The following RTF1 variants were observed in gnomAD, a reference collection of about 807,000 sequenced individuals.
RTF1 encodes RNA polymerase-associated protein RTF1 homolog.
RTF1 carries 10 observed loss-of-function variants against 95.7 expected under a neutral mutation model. The ratio of observed to expected loss-of-function variants is 0.10; its 90% CI spans 0.06 to 0.18. The LOEUF (loss-of-function observed/expected upper bound fraction) is 0.18. RTF1 is among the 10% of genes least tolerant of loss of function. The pLI, the probability that RTF1 is intolerant of heterozygous loss-of-function variation, is 1.00. For missense variants in RTF1, 458 were observed against 875.6 expected (o/e 0.52, Z 6.02); for synonymous variants, 305 against 311.8 (o/e 0.98, Z 0.23).
Position 41,453,036 on chromosome 15 carries a change from G to A in RTF1, c.445G>A (p.Ala149Thr). The A allele has an allele frequency of 1.3e-6, 2 of 1,595,204 alleles. No individual in the cohort carries two copies. The highest frequency in any genetic ancestry group is 1.2e-5 in the South Asian group (1 of 86,916). ...SDKDSSAESS[A>T]PEEGEVSDSD... ...CAAAGACAGTTCAGCTGAGAGCTCA[G>A]CCCCTGAGGAAGGTGAGCTGAGCAG... Residue 149 changes from alanine to threonine, a missense_variant, in exon 3 of 18, where the codon GCC (alanine) becomes ACC (threonine). Ala to Thr is a moderately conservative substitution (Grantham distance 58, BLOSUM62 0). Around this residue, in one of 11 missense-constraint regions of RTF1, gnomAD observed 39 missense variants for 38.4 expected, o/e 1.02. Coordinates refer to ENST00000389629, the MANE Select transcript of RTF1 (RefSeq NM_015138.5).
chr15:41,442,873 G>GA (rs2050742728), intron 2 of RTF1, among the ~76,000 whole-genome samples: 1 of 152,148 alleles, frequency 6.6e-6, no homozygotes, highest in Non-Finnish European at 1.5e-5. Flanking sequence ...GCCCCAGAGT[G>GA]AGACTGCATC....
chr15:41,475,845 C>G (rs200585486), intron 11 of RTF1, 26 bp downstream of exon 11: 1 of 1,208,500 alleles, frequency 8.3e-7, no homozygotes, highest in Non-Finnish European at 1.2e-6. Context: ...CCCCAGAACC[C>G]GGAGGTTCAT....
At position 41,474,595 on chromosome 15, in the gene RTF1, CT is replaced by C. The variant is rs577560772; in HGVS notation, c.1204-24del. ...AAGCTCCGGAAGAGTCTGGTTTTGACTGGCGTCTCTGTCCTCTCACTTAGGT... is the reference window on the plus strand; with the variant it reads ...AAGCTCCGGAAGAGTCTGGTTTTGACGGCGTCTCTGTCCTCTCACTTAGGT... On this transcript the variant is annotated intron_variant, in intron 8 of 17. Transcript: ENST00000389629. The C allele has an allele frequency of 1.7e-3, 2,734 of 1,565,840 alleles. 4 individuals are homozygous for C. Among genetic ancestry groups the C allele is most frequent in the Non-Finnish European group, 2.3e-3 (2,621 of 1,135,812 alleles).
At chr15:41,479,059 G>GT in intron 15 of RTF1, 44 bp from the exon 16 acceptor site, 1 of 1,380,266 alleles carries the variant, frequency 7.2e-7, no homozygotes, top group Non-Finnish European at 1.0e-6. Context: ...GTAGGACTCT[G>GT]TGAGTGTCAA....
intron 7 of RTF1, 107 bp from the exon 8 acceptor site, chr15:41,471,065 G>T: frequency 9.7e-7 from 1 of 1,028,998 alleles, no homozygotes. Flanking sequence ...CTCCTCCTAG[G>T]CCAGTCACAT....
At position 41,480,642 on chromosome 15, in the gene RTF1, A is replaced by T; in HGVS notation, c.2088A>T (p.Arg696Ser). The change falls in exon 18 of 18, where the codon AGA becomes AGT. Residue 696 changes from arginine (R) to serine (S), a missense_variant. Physicochemically the swap from Arg to Ser is moderately radical, Grantham distance 110 (BLOSUM62 -1). Coordinates refer to ENST00000389629, the MANE Select transcript of RTF1 (RefSeq NM_015138.5). The part of the protein sequence containing the change: ...APPAKDGAPR[R>S]SLNLEDYKKR... ...CAGCCAAGGATGGGGCTCCAAGGAG[A>T]TCTCTGAACTTGGAAGACTACAAAA... The T allele has an allele frequency of 6.2e-7, 1 of 1,614,074 alleles. No homozygotes were observed. Among genetic ancestry groups the T allele is most frequent in the Non-Finnish European group, 8.5e-7 (1 of 1,179,984 alleles).
At chr15:41,475,223 G>T (rs546068819) in intron 9 of RTF1, among the ~76,000 whole-genome samples, 1 of 152,346 alleles carries the variant, frequency 6.6e-6, no homozygotes, top group Non-Finnish European at 1.5e-5. Flanking sequence ...CTGAGGAGCT[G>T]TGACCACAGG....
intron 2 of RTF1, among the ~76,000 whole-genome samples, chr15:41,449,391 C>G (rs544715606): frequency 6.6e-6 from 1 of 152,004 alleles, no homozygotes; most frequent in Non-Finnish European, 1.5e-5. Flanking sequence ...CCACCATGCC[C>G]GGCTAATTTT....
chr15:41,420,521 G>A (rs1358660654), intron 1 of RTF1, among the ~76,000 whole-genome samples: 3 of 152,018 alleles, frequency 2.0e-5, no homozygotes, highest in African/African-American at 7.2e-5. Flanking sequence ...TTCACTGGGG[G>A]TATAACATTA....
At chr15:41,420,337 A>G (rs1279687753) in intron 1 of RTF1, among the ~76,000 whole-genome samples, 1 of 152,130 alleles carries the variant, frequency 6.6e-6, no homozygotes, top group Non-Finnish European at 1.5e-5. Flanking sequence ...GTTCAGCACT[A>G]TGCCAGACTC....
At chr15:41,428,307 G>A (rs1369717555) in intron 1 of RTF1, among the ~76,000 whole-genome samples, 1 of 105,436 alleles carries the variant, frequency 9.5e-6, no homozygotes, top group Non-Finnish European at 1.7e-5. Flanking sequence ...TCGCTTTGTT[G>A]CCCAGGCTGG....
At chr15:41,418,469 T>G (rs2050582904) in intron 1 of RTF1, among the ~76,000 whole-genome samples, 1 of 152,154 alleles carries the variant, frequency 6.6e-6, no homozygotes. Context: ...ATTGTAAAGT[T>G]TTTCTATGAA....
At chr15:41,437,244 C>T (rs2050709131) in intron 1 of RTF1, among the ~76,000 whole-genome samples, 3 of 151,768 alleles carry the variant, frequency 2.0e-5, no homozygotes, top group Non-Finnish European at 2.9e-5. Flanking sequence ...ATCTGTAATC[C>T]CAGCACTTTG....
At chr15:41,466,451 C>A (rs1202205698) in intron 6 of RTF1, among the ~76,000 whole-genome samples, 199 bp downstream of exon 6, 1 of 152,178 alleles carries the variant, frequency 6.6e-6, no homozygotes, top group Admixed American at 6.6e-5. Flanking sequence ...ATAATCCTTT[C>A]ATCAGATTAT....
intron 2 of RTF1, among the ~76,000 whole-genome samples, chr15:41,443,863 C>T (rs1318708926): frequency 2.0e-5 from 3 of 151,832 alleles, no homozygotes; most frequent in African/African-American, 2.4e-5. Flanking sequence ...GTCTGGAGCT[C>T]GAGACCATCC....
intron 1 of RTF1, among the ~76,000 whole-genome samples, chr15:41,429,587 A>G (rs934874313): frequency 9.2e-5 from 14 of 152,076 alleles, no homozygotes; most frequent in African/African-American, 2.7e-4. Context: ...TCAGAAAGAT[A>G]TGTTTTCTTC....
intron 1 of RTF1, among the ~76,000 whole-genome samples, chr15:41,438,103 T>C (rs1432307940): frequency 6.6e-6 from 1 of 152,186 alleles, no homozygotes; most frequent in African/African-American, 2.4e-5. Context: ...AGACATATAT[T>C]ATCCATTGAA....
intron 13 of RTF1, 79 bp from the exon 14 acceptor site, chr15:41,477,379 T>TA: frequency 6.2e-7 from 1 of 1,611,792 alleles, no homozygotes; most frequent in Non-Finnish European, 8.5e-7. Flanking sequence ...ACTGACCCCA[T>TA]AGATATCTGA....
At position 41,479,117 on chromosome 15, in the gene RTF1, T is replaced by C; in HGVS notation, c.1833T>C (p.Ala611=). The change falls in exon 16 of 18, where the codon GCT becomes GCC. Residue 611 remains alanine (A), a synonymous_variant. Coordinates refer to ENST00000389629, the MANE Select transcript of RTF1 (RefSeq NM_015138.5). ...PTIVSNSRDP[A]VQAAILAQLN... ...TTCTCTCTCAGTCCAGAGACCCAGCTGTTCAAGCTGCCATCTTGGCCCAGC... is the reference window on the plus strand; with the variant it reads ...TTCTCTCTCAGTCCAGAGACCCAGCCGTTCAAGCTGCCATCTTGGCCCAGC... 6.2e-7 allele frequency: 1 copy of C among 1,613,228 alleles called. No individual in the cohort carries two copies. Among genetic ancestry groups the C allele is most frequent in the Non-Finnish European group, 8.5e-7 (1 of 1,179,188 alleles).
Sources: gnomAD v4.1 joint callset for allele counts (sites outside exome capture counted in the v4.1 genomes callset) on GRCh38, gnomAD v4.1.1 for gene constraint, gnomAD v4.1.1 regional missense constraint, MANE v1.5 for transcripts, NCBI Gene and HGNC (gene_info 2026-07-23, HGNC 2026-07-21) for gene names.